The following VPS13B variants were observed in gnomAD, a reference collection of about 807,000 sequenced individuals.
VPS13B encodes vacuolar protein sorting 13 homolog B, also known as intermembrane lipid transfer protein VPS13B.
VPS13B carries 285 observed loss-of-function variants against 426.4 expected under a neutral mutation model. The observed-to-expected ratio is 0.67, with a 90% confidence interval of 0.61 to 0.74. VPS13B has a LOEUF of 0.74. Among genes scored for constraint, VPS13B ranks in the 30% least tolerant of loss-of-function variants. VPS13B has a pLI of 0.00. For missense variants in VPS13B, 4,537 were observed against 4,782.6 expected (o/e 0.95, Z 1.51); for synonymous variants, 1,676 against 1,676.4 (o/e 1.00, Z 0.01).
At chr8:99,263,098 A>G (rs1196295857) in intron 17 of VPS13B, among the ~76,000 whole-genome samples, 1 of 152,136 alleles carries the variant, frequency 6.6e-6, no homozygotes, top group Non-Finnish European at 1.5e-5. Flanking sequence ...TTATTAAATT[A>G]TAGCTTTGCA....
chr8:99,315,262 A>G (rs1017832957), intron 19 of VPS13B, among the ~76,000 whole-genome samples: 4 of 151,758 alleles, frequency 2.6e-5, no homozygotes, highest in African/African-American at 9.7e-5. Context: ...GGACACTGAA[A>G]ATGCAAATAT....
At chr8:99,495,702 T>C (rs996758968) in intron 25 of VPS13B, among the ~76,000 whole-genome samples, 1 of 152,230 alleles carries the variant, frequency 6.6e-6, no homozygotes, top group Non-Finnish European at 1.5e-5. Flanking sequence ...ATCAAGTCCT[T>C]AAACCTACTT....
At chr8:99,089,424 G>C (rs1846025554) in intron 3 of VPS13B, among the ~76,000 whole-genome samples, 1 of 152,110 alleles carries the variant, frequency 6.6e-6, no homozygotes, top group Non-Finnish European at 1.5e-5. Context: ...TGTGCCCAAG[G>C]TGGTCAGGCT....
At chr8:99,250,969 T>C (rs1454170996) in intron 17 of VPS13B, among the ~76,000 whole-genome samples, 13 of 152,192 alleles carry the variant, frequency 8.5e-5, no homozygotes, top group Non-Finnish European at 4.4e-5. Flanking sequence ...ATATATTCAT[T>C]GAGAAATTGA....
chr8:99,567,205 A>G (rs1038061106), intron 31 of VPS13B, among the ~76,000 whole-genome samples: 3 of 152,164 alleles, frequency 2.0e-5, no homozygotes, highest in African/African-American at 4.8e-5. Context: ...TCCCTCTTCC[A>G]TGAAGTTTTT....
chr8:99,739,356 T>C (rs1291880147), intron 39 of VPS13B, among the ~76,000 whole-genome samples: 1 of 152,184 alleles, frequency 6.6e-6, no homozygotes, highest in Non-Finnish European at 1.5e-5. Context: ...CCACCGCAGC[T>C]CAAGGAGGCC....
At chr8:99,609,787 T>C (rs1468482267) in intron 33 of VPS13B, among the ~76,000 whole-genome samples, 2 of 152,240 alleles carry the variant, frequency 1.3e-5, no homozygotes. Flanking sequence ...GTTTGCTTCT[T>C]ACCGCAAGTG....
chr8:99,644,629 T>C (rs966801338), intron 34 of VPS13B, among the ~76,000 whole-genome samples: 120 of 152,036 alleles, frequency 7.9e-4, no homozygotes, highest in African/African-American at 2.8e-3. Context: ...ATTTTCTGCA[T>C]AATATTCTCA....
intron 25 of VPS13B, among the ~76,000 whole-genome samples, chr8:99,482,148 CT>C (rs954974006): frequency 2.4e-4 from 36 of 152,030 alleles, no homozygotes; most frequent in African/African-American, 8.7e-4. Context: ...TCCGCTACAC[CT>C]TTTTTGAACC....
intron 31 of VPS13B, among the ~76,000 whole-genome samples, chr8:99,568,573 G>A (rs1825309699): frequency 6.6e-6 from 1 of 151,988 alleles, no homozygotes. Context: ...TTACAGGTAT[G>A]AGTCACCATG....
chr8:99,398,565 G>T (rs1287437993), intron 21 of VPS13B, among the ~76,000 whole-genome samples: 2 of 152,122 alleles, frequency 1.3e-5, no homozygotes. Context: ...GTCACTTGGG[G>T]TATGTGTATA....
intron 25 of VPS13B, among the ~76,000 whole-genome samples, chr8:99,492,328 C>T (rs1034777705): frequency 1.3e-5 from 2 of 152,172 alleles, no homozygotes; most frequent in African/African-American, 2.4e-5. Flanking sequence ...GCGTCAGGGA[C>T]CCACTTGAAG....
At chr8:99,470,964 G>T (rs1359829649) in intron 24 of VPS13B, among the ~76,000 whole-genome samples, 1 of 152,056 alleles carries the variant, frequency 6.6e-6, no homozygotes, top group Non-Finnish European at 1.5e-5. Context: ...AATTAGAGTA[G>T]ATTTCTCATT....
chr8:99,507,000 T>G, intron 27 of VPS13B, 137 bp from the exon 28 acceptor site: 1 of 852,764 alleles, frequency 1.2e-6, no homozygotes, highest in Non-Finnish European at 1.9e-6. Context: ...ATTGTTCTAT[T>G]GATTGCATTG....
At chr8:99,247,317 G>A (rs1409271005) in intron 17 of VPS13B, among the ~76,000 whole-genome samples, 1 of 151,894 alleles carries the variant, frequency 6.6e-6, no homozygotes, top group Non-Finnish European at 1.5e-5. Context: ...CTCATTGTTT[G>A]TACTTAATGT....
intron 31 of VPS13B, among the ~76,000 whole-genome samples, chr8:99,572,377 T>C (rs1422374429): frequency 6.6e-6 from 1 of 152,166 alleles, no homozygotes; most frequent in African/African-American, 2.4e-5. Context: ...TTGTTACATA[T>C]GTATACATGT....
At chr8:99,562,515 A>G (rs569719685) in intron 31 of VPS13B, among the ~76,000 whole-genome samples, 68 of 152,248 alleles carry the variant, frequency 4.5e-4, no homozygotes, top group African/African-American at 1.6e-3. Context: ...TTCTAACCTC[A>G]AGCGATCCAC....
intron 19 of VPS13B, among the ~76,000 whole-genome samples, chr8:99,286,767 A>C (rs1819465189): frequency 6.6e-6 from 1 of 152,144 alleles, no homozygotes. Context: ...TGGCTAGGAT[A>C]TTTCTAGCTA....
chr8:99,876,285 T>G lies in VPS13B; in HGVS notation c.*619T>G, dbSNP rs1817698346. The G allele has an allele frequency of 6.5e-6, 1 of 154,214 alleles. No individual in the cohort carries two copies. The highest frequency in any genetic ancestry group is 1.4e-5 in the Non-Finnish European group (1 of 69,368). The allele number at this position is 154,214 out of a possible 1,614,324, so 9.6% of individuals were successfully genotyped here. ...ACTTTGTGGCTTGTTACATTTGTCA[T>G]TTAACTGCAGTGCTATTCTTTGAAA... On this transcript the variant is annotated 3_prime_UTR_variant, in exon 62 of 62. Transcript: ENST00000357162.
Sources: allele counts gnomAD v4.1 joint callset (sites outside exome capture counted in the v4.1 genomes callset), GRCh38; gene constraint gnomAD v4.1.1; transcripts MANE v1.5; gene names NCBI Gene and HGNC (gene_info 2026-07-23, HGNC 2026-07-21).